SUGCT: variants seen among roughly 807,000 people sequenced by gnomAD.
SUGCT encodes succinyl-CoA:glutarate CoA-transferase.
SUGCT carries 41 observed loss-of-function variants against 55.0 expected under a neutral mutation model. That is an observed-to-expected ratio of 0.74 (90% CI 0.58 to 0.97). The LOEUF is 0.97. Among genes scored for constraint, SUGCT ranks in the 50% least tolerant of loss-of-function variants. The pLI, the probability that SUGCT is intolerant of heterozygous loss-of-function variation, is 0.00. For synonymous variants in SUGCT, 187 were observed against 200.4 expected (o/e 0.93, Z 0.56); for missense variants, 568 against 547.8 (o/e 1.04, Z -0.37).
chr7:40,637,563 A>G (rs1475958881), intron 12 of SUGCT, among the ~76,000 whole-genome samples: 1 of 152,196 alleles, frequency 6.6e-6, no homozygotes, highest in Non-Finnish European at 1.5e-5. Flanking sequence ...CTAGTCAGCA[A>G]ACTACTAGAA....
chr7:40,191,673 AC>A (rs1227579472), intron 5 of SUGCT, among the ~76,000 whole-genome samples: 2 of 152,256 alleles, frequency 1.3e-5, no homozygotes, highest in Non-Finnish European at 2.9e-5. Context: ...TGCTGGGATT[AC>A]AGGTGGGAAC....
chr7:40,408,685 A>G (rs931987512), intron 9 of SUGCT, among the ~76,000 whole-genome samples: 16 of 152,104 alleles, frequency 1.1e-4, no homozygotes, highest in African/African-American at 3.6e-4. Flanking sequence ...AGCTTTTTCT[A>G]ATTACGAAAT....
At chr7:40,500,594 A>T (rs982336823) in intron 12 of SUGCT, among the ~76,000 whole-genome samples, 4 of 152,182 alleles carry the variant, frequency 2.6e-5, no homozygotes, top group African/African-American at 7.2e-5. Context: ...TTTGTATGGG[A>T]TGAATATGTC....
At chr7:40,324,417 G>A (rs1795921454) in intron 9 of SUGCT, among the ~76,000 whole-genome samples, 1 of 151,384 alleles carries the variant, frequency 6.6e-6, no homozygotes, top group African/African-American at 2.4e-5. Context: ...CACCATGCCA[G>A]GCTAATTTTT....
At position 40,607,193 on chromosome 7, in the gene SUGCT, C is replaced by T. The variant is rs893711003; in HGVS notation, c.1089+110807C>T. Reference sequence around the variant, plus strand: ...AATTATAGCTCACTACAGCCTCAACCTCTGGGCTCAAGTTATCCTCCCACC... The same window carrying T: ...AATTATAGCTCACTACAGCCTCAACTTCTGGGCTCAAGTTATCCTCCCACC... On this transcript the variant is annotated intron_variant, in intron 12 of 13. Coordinates refer to ENST00000335693, the MANE Select transcript of SUGCT (RefSeq NM_001193313.2). Among the ~76,000 whole-genome samples, 3 of 151,830 alleles carry T rather than the reference C, an allele frequency of 2.0e-5. No homozygotes were observed. In the South Asian group the frequency reaches 6.2e-4, roughly 32 times the overall value.
At chr7:40,744,895 AAGATAGGC>A in intron 12 of SUGCT, among the ~76,000 whole-genome samples, 2 of 152,320 alleles carry the variant, frequency 1.3e-5, no homozygotes, top group African/African-American at 4.8e-5. Context: ...AACTTCTTTC[AAGATAGGC>A]AGAGTTACTT....
At chr7:40,971,042 A>G in the SUGCT span, among the ~76,000 whole-genome samples, 2 of 152,056 alleles carry the variant, frequency 1.3e-5, no homozygotes, top group Admixed American at 6.5e-5. Context: ...TGGGTAATTT[A>G]TTTTTTCAAA....
At chr7:40,276,562 T>C (rs772237440) in intron 8 of SUGCT, among the ~76,000 whole-genome samples, 7 of 152,230 alleles carry the variant, frequency 4.6e-5, no homozygotes, top group Admixed American at 1.3e-4. Context: ...GATTTTTACC[T>C]AGGCTGCTTT....
At chr7:40,416,038 T>C (rs1452765494) in intron 9 of SUGCT, among the ~76,000 whole-genome samples, 1 of 152,068 alleles carries the variant, frequency 6.6e-6, no homozygotes, top group Non-Finnish European at 1.5e-5. Flanking sequence ...TTGAAGCATA[T>C]ACTTTTTGGA....
At chr7:40,310,886 C>T (rs1473573817) in intron 8 of SUGCT, among the ~76,000 whole-genome samples, 2 of 152,230 alleles carry the variant, frequency 1.3e-5, no homozygotes, top group African/African-American at 2.4e-5. Flanking sequence ...GAAACTTTAT[C>T]TTCTCTTGTT....
chr7:40,581,764 T>G (rs1797105721), intron 12 of SUGCT, among the ~76,000 whole-genome samples: 1 of 152,186 alleles, frequency 6.6e-6, no homozygotes, highest in African/African-American at 2.4e-5. Context: ...TAGTGCCTAA[T>G]TTATGGAGGC....
chr7:40,238,280 C>T (rs1301850756), intron 7 of SUGCT, among the ~76,000 whole-genome samples: 1 of 152,016 alleles, frequency 6.6e-6, no homozygotes, highest in East Asian at 1.9e-4. Context: ...TAGATTCTGA[C>T]AGTGAAATAA....
chr7:41,028,945 A>C, the SUGCT span, among the ~76,000 whole-genome samples: 1 of 152,192 alleles, frequency 6.6e-6, no homozygotes, highest in Non-Finnish European at 1.5e-5. Flanking sequence ...GTTAATTGGA[A>C]TTCTCTCTAA....
chr7:40,387,560 A>G (rs1785189048), intron 9 of SUGCT, among the ~76,000 whole-genome samples: 1 of 152,186 alleles, frequency 6.6e-6, no homozygotes. Context: ...ATCTCAGGGC[A>G]TTCGGGTTTA....
intron 12 of SUGCT, among the ~76,000 whole-genome samples, chr7:40,738,936 A>G (rs1232794692): frequency 6.6e-6 from 1 of 152,202 alleles, no homozygotes; most frequent in Non-Finnish European, 1.5e-5. Flanking sequence ...GTTTTCTACT[A>G]AAACTCTATT....
intron 9 of SUGCT, among the ~76,000 whole-genome samples, chr7:40,354,620 G>A (rs560893964): frequency 1.0e-4 from 15 of 144,532 alleles, no homozygotes; most frequent in African/African-American, 3.9e-4. Context: ...AAGTAGAGAA[G>A]GCTGAGGATA....
At chr7:40,737,407 G>A (rs538546300) in intron 12 of SUGCT, among the ~76,000 whole-genome samples, 9 of 152,234 alleles carry the variant, frequency 5.9e-5, no homozygotes, top group Non-Finnish European at 1.3e-4. Context: ...TAGTGGCTAA[G>A]AATCAAATAA....
chr7:40,506,983 T>C (rs1265628774), intron 12 of SUGCT, among the ~76,000 whole-genome samples: 1 of 152,234 alleles, frequency 6.6e-6, no homozygotes, highest in Non-Finnish European at 1.5e-5. Flanking sequence ...TGGTTTTCTT[T>C]TGTTCTTTGA....
At chr7:40,728,219 T>TA (rs1159851480) in intron 12 of SUGCT, among the ~76,000 whole-genome samples, 1 of 152,198 alleles carries the variant, frequency 6.6e-6, no homozygotes, top group African/African-American at 2.4e-5. Flanking sequence ...ATGTCCTTAT[T>TA]AAGGATATAC....
Sources: allele counts gnomAD v4.1 joint callset (sites outside exome capture counted in the v4.1 genomes callset), GRCh38; gene constraint gnomAD v4.1.1; transcripts MANE v1.5; gene names NCBI Gene and HGNC (gene_info 2026-07-23, HGNC 2026-07-21).